Variants in ARB2A observed in about 807,000 individuals in gnomAD.
ARB2A encodes the protein ARB2 cotranscriptional regulator A.
the ARB2A span, among the ~76,000 whole-genome samples, chr5:93,711,542 G>T: frequency 6.6e-6 from 1 of 152,148 alleles, no homozygotes; most frequent in Non-Finnish European, 1.5e-5. Context: ...TCCGAAGATG[G>T]CAAGTGAAGA....
the ARB2A span, among the ~76,000 whole-genome samples, chr5:93,621,616 C>A: frequency 6.6e-6 from 1 of 152,206 alleles, no homozygotes; most frequent in African/African-American, 2.4e-5. Context: ...GTTTCCCCTG[C>A]GTGCGGGATC....
chr5:93,773,056 A>AC, the ARB2A span, among the ~76,000 whole-genome samples: 1 of 152,208 alleles, frequency 6.6e-6, no homozygotes, highest in East Asian at 1.9e-4. Flanking sequence ...GTTGCTATTT[A>AC]CCCCAATTCT....
chr5:93,738,662 A>G, the ARB2A span: 1 of 152,244 alleles, frequency 6.6e-6, no homozygotes, highest in East Asian at 1.9e-4. Context: ...ACACTACAAC[A>G]CAGATGAACC....
At chr5:94,096,795 G>C in the ARB2A span, among the ~76,000 whole-genome samples, 2 of 152,172 alleles carry the variant, frequency 1.3e-5, no homozygotes, top group Admixed American at 6.5e-5. Context: ...AGAGTGAACA[G>C]AGAAAGGACG....
the ARB2A span, among the ~76,000 whole-genome samples, chr5:93,850,104 A>G: frequency 1.3e-5 from 2 of 152,206 alleles, no homozygotes; most frequent in South Asian, 4.1e-4. Flanking sequence ...TTAACTTCAG[A>G]TCCCATGATC....
chr5:93,911,336 T>C, the ARB2A span, among the ~76,000 whole-genome samples: 1 of 151,700 alleles, frequency 6.6e-6, no homozygotes, highest in Non-Finnish European at 1.5e-5. Context: ...TCGGAATACA[T>C]TTTGTCAAGA....
At chr5:93,995,714 C>G in the ARB2A span, among the ~76,000 whole-genome samples, 2 of 152,136 alleles carry the variant, frequency 1.3e-5, no homozygotes, top group African/African-American at 4.8e-5. Flanking sequence ...TGAGCAAGTT[C>G]TACACAACTG....
chr5:93,994,149 C>T, the ARB2A span, among the ~76,000 whole-genome samples: 2 of 152,140 alleles, frequency 1.3e-5, no homozygotes, highest in African/African-American at 4.8e-5. Flanking sequence ...AGTGATCCAG[C>T]AATCCCTTTT....
chr5:94,034,428 G>T, the ARB2A span, among the ~76,000 whole-genome samples: 1 of 152,196 alleles, frequency 6.6e-6, no homozygotes, highest in African/African-American at 2.4e-5. Flanking sequence ...TGATAAGGAA[G>T]AACATTCCTT....
chr5:93,652,554 C>A, the ARB2A span, among the ~76,000 whole-genome samples: 1 of 152,224 alleles, frequency 6.6e-6, no homozygotes, highest in South Asian at 2.1e-4. Flanking sequence ...ATATTTCCAA[C>A]AATTTTACAT....
chr5:93,708,719 T>C, the ARB2A span, among the ~76,000 whole-genome samples: 2 of 151,982 alleles, frequency 1.3e-5, no homozygotes, highest in Non-Finnish European at 2.9e-5. Context: ...GGCCTCTGGG[T>C]TGGGGAACCT....
At chr5:93,688,994 T>TAATC in the ARB2A span, among the ~76,000 whole-genome samples, 1 of 152,228 alleles carries the variant, frequency 6.6e-6, no homozygotes, top group African/African-American at 2.4e-5. Context: ...AATTCAAATC[T>TAATC]AATCATATTA....
At chr5:94,017,986 C>T in the ARB2A span, among the ~76,000 whole-genome samples, 7 of 152,126 alleles carry the variant, frequency 4.6e-5, no homozygotes, top group Non-Finnish European at 8.8e-5. Flanking sequence ...CAGAGGTTTC[C>T]GCTTTTGCTT....
At chr5:94,086,618 T>G in the ARB2A span, among the ~76,000 whole-genome samples, 1 of 152,338 alleles carries the variant, frequency 6.6e-6, no homozygotes, top group East Asian at 1.9e-4. Context: ...AATGGCACGA[T>G]CTCAGCTCAC....
the ARB2A span, among the ~76,000 whole-genome samples, chr5:93,821,663 A>G: frequency 6.6e-6 from 1 of 152,096 alleles, no homozygotes; most frequent in Non-Finnish European, 1.5e-5. Context: ...AAGGATCTAA[A>G]AACATTTCAA....
the ARB2A span, among the ~76,000 whole-genome samples, chr5:93,825,760 C>A: frequency 6.6e-6 from 1 of 152,016 alleles, no homozygotes; most frequent in Non-Finnish European, 1.5e-5. Context: ...GAAAGTTATA[C>A]TGATCTTTTG....
chr5:93,707,560 C>CT, the ARB2A span, among the ~76,000 whole-genome samples: 1 of 148,660 alleles, frequency 6.7e-6, no homozygotes, highest in Non-Finnish European at 1.5e-5. Flanking sequence ...TTTTTCTTTT[C>CT]TTTTCTTTTT....
At chr5:93,901,666 T>G in the ARB2A span, among the ~76,000 whole-genome samples, 1 of 152,096 alleles carries the variant, frequency 6.6e-6, no homozygotes, top group Non-Finnish European at 1.5e-5. Flanking sequence ...TGTTACTTGC[T>G]CAAGCATGAA....
At chr5:93,758,350 G>A in the ARB2A span, among the ~76,000 whole-genome samples, 1 of 152,062 alleles carries the variant, frequency 6.6e-6, no homozygotes, top group African/African-American at 2.4e-5. Flanking sequence ...ACGACAGAAA[G>A]TTACCAAAGA....
Sources: gnomAD v4.1 joint callset for allele counts (sites outside exome capture counted in the v4.1 genomes callset) on GRCh38, gnomAD v4.1.1 for gene constraint, MANE v1.5 for transcripts, NCBI Gene and HGNC (gene_info 2026-07-23, HGNC 2026-07-21) for gene names.